Variants in MBD2 observed in about 807,000 individuals in gnomAD.
MBD2 encodes the protein methyl-CpG-binding domain protein 2.
In MBD2, 9 loss-of-function variants were observed where a neutral mutation model predicts 39.3. The ratio of observed to expected loss-of-function variants is 0.23; its 90% CI spans 0.14 to 0.40. The LOEUF is 0.40. MBD2 is among the 10% of genes least tolerant of loss of function. The pLI is 1.00. For missense variants in MBD2, 458 were observed against 532.6 expected (o/e 0.86, Z 1.38); for synonymous variants, 233 against 211.1 (o/e 1.10, Z -0.90).
chr18:54,219,070 A>T (rs1189518248), intron 1 of MBD2, among the ~76,000 whole-genome samples: 3 of 152,208 alleles, frequency 2.0e-5, no homozygotes, highest in Non-Finnish European at 4.4e-5. Flanking sequence ...ACATAGAATT[A>T]AGGCACAGAA....
Position 54,203,743 on chromosome 18 carries a change from G to A in MBD2, c.702+1255C>T, listed in dbSNP as rs544876678. ...AAATGTAACATGACAAGAGGCAAGA[G>A]AGCTCGGGTCAGAAAGTTTCCAATG... On this transcript the variant is annotated intron_variant, in intron 2 of 6. Coordinates refer to ENST00000256429, the MANE Select transcript of MBD2 (RefSeq NM_003927.5). Among the ~76,000 whole-genome samples the A allele has an allele frequency of 3.6e-4, 55 of 152,332 alleles. 1 individual carries two copies. The highest frequency in any genetic ancestry group is 6.8e-3 in the Middle Eastern group (2 of 294).
At position 54,202,828 on chromosome 18, in the gene MBD2, T is replaced by C. The variant is rs140913658; in HGVS notation, c.702+2170A>G. 2.7e-5 allele frequency: 42 copies of C among 1,531,952 alleles called. No homozygotes were observed. The East Asian group carries it at 4.7e-4, about 17-fold the overall frequency. 94.9% of individuals were successfully genotyped at this position (1,531,952 alleles called of 1,614,324 possible). On this transcript the variant is annotated intron_variant, in intron 2 of 6. Transcript: ENST00000256429. ...AAAAAAGACATGGTCCCTGCCCTCA[T>C]GGAGCTCACAGTCTAGCTGAAGCAG...
At chr18:54,159,996 T>A in intron 5 of MBD2, 93 bp from the exon 6 acceptor site, 1 of 1,371,486 alleles carries the variant, frequency 7.3e-7, no homozygotes, top group Non-Finnish European at 9.9e-7. Flanking sequence ...TCAAAATAAT[T>A]AAATTCCTAA....
intron 1 of MBD2, among the ~76,000 whole-genome samples, chr18:54,211,738 C>T (rs900768742): frequency 2.0e-5 from 3 of 152,212 alleles, no homozygotes; most frequent in Non-Finnish European, 2.9e-5. Context: ...ATCCACATAG[C>T]CCTTCCTAAA....
Position 54,211,764 on chromosome 18 carries a change from C to T in MBD2, c.543-6607G>A, listed in dbSNP as rs148888875. Among the ~76,000 whole-genome samples, 5 of 152,328 alleles carry T rather than the reference C, an allele frequency of 3.3e-5. No individual in the cohort carries two copies. The East Asian group carries it at 9.6e-4, about 29-fold the overall frequency. ...CCTTCCTAAAACACCACTTTGACAA[C>T]AGCTCTGGCTTAACAGCTTTCAGTG... On this transcript the variant is annotated intron_variant, in intron 1 of 6. Coordinates refer to ENST00000256429, the MANE Select transcript of MBD2 (RefSeq NM_003927.5).
At chr18:54,193,406 A>C (rs1261469659) in intron 2 of MBD2, among the ~76,000 whole-genome samples, 3 of 152,236 alleles carry the variant, frequency 2.0e-5, no homozygotes. Context: ...ACCTTTGACA[A>C]AACTATGTAC....
chr18:54,219,375 G>A (rs1265409255), intron 1 of MBD2, among the ~76,000 whole-genome samples: 3 of 152,178 alleles, frequency 2.0e-5, no homozygotes, highest in Admixed American at 6.5e-5. Context: ...TTTACAAAAC[G>A]TTAGGTGGAA....
intron 2 of MBD2, among the ~76,000 whole-genome samples, chr18:54,200,128 C>T (rs2086394801): frequency 6.6e-6 from 1 of 152,108 alleles, no homozygotes; most frequent in South Asian, 2.1e-4. Flanking sequence ...CAACTGATTC[C>T]ATTCAAGAAA....
chr18:54,192,269 T>C (rs1413524695), intron 2 of MBD2, among the ~76,000 whole-genome samples: 2 of 152,228 alleles, frequency 1.3e-5, no homozygotes, highest in African/African-American at 2.4e-5. Flanking sequence ...AGTCTTGCTC[T>C]ATCACCAGGC....
At chr18:54,196,360 C>A (rs1008498943) in intron 2 of MBD2, among the ~76,000 whole-genome samples, 4 of 152,092 alleles carry the variant, frequency 2.6e-5, no homozygotes, top group African/African-American at 9.7e-5. Context: ...TCAATGAAAA[C>A]ACGTTTTGAA....
intron 2 of MBD2, among the ~76,000 whole-genome samples, chr18:54,194,733 T>A (rs1400199483): frequency 6.6e-6 from 1 of 152,212 alleles, no homozygotes; most frequent in East Asian, 1.9e-4. Flanking sequence ...GTAGATAGAA[T>A]GAATTTTATT....
intron 3 of MBD2, among the ~76,000 whole-genome samples, chr18:54,172,565 C>T (rs2086185726): frequency 6.6e-6 from 1 of 152,112 alleles, no homozygotes; most frequent in South Asian, 2.1e-4. Context: ...GCATCTACAT[C>T]ATATATCCTA....
chr18:54,187,876 A>G, intron 3 of MBD2: 1 of 985,500 alleles, frequency 1.0e-6, no homozygotes, highest in Non-Finnish European at 1.2e-6. Flanking sequence ...GTGGGAACTG[A>G]ATTTCTTTAT....
At chr18:54,170,253 T>G (rs2086170791) in intron 3 of MBD2, among the ~76,000 whole-genome samples, 1 of 152,240 alleles carries the variant, frequency 6.6e-6, no homozygotes, top group Non-Finnish European at 1.5e-5. Flanking sequence ...AAAAACTGCT[T>G]CTTTAGTGAG....
At chr18:54,205,857 T>C (rs693857) in intron 1 of MBD2, among the ~76,000 whole-genome samples, 5,805 of 152,004 alleles carry the variant, frequency 0.038, 357 homozygotes, top group African/African-American at 0.13. Flanking sequence ...GCTTTTTTTT[T>C]CCCTGCAAGT....
intron 2 of MBD2, among the ~76,000 whole-genome samples, chr18:54,191,700 A>G (rs1256890541): frequency 1.3e-5 from 2 of 152,202 alleles, no homozygotes; most frequent in African/African-American, 4.8e-5. Flanking sequence ...GACAATTATT[A>G]CAATTACAGT....
At chr18:54,202,808 A>C in intron 2 of MBD2, 1 of 1,550,236 alleles carries the variant, frequency 6.5e-7, no homozygotes, top group Admixed American at 2.0e-5. Flanking sequence ...AAGCAAAAAA[A>C]GACATGGTCC....
chr18:54,156,569 C>T (rs905320312), intron 6 of MBD2, among the ~76,000 whole-genome samples: 7 of 152,010 alleles, frequency 4.6e-5, no homozygotes, highest in Admixed American at 6.6e-5. Flanking sequence ...AAGCAAAAGT[C>T]GGCCAGTGGC....
intron 3 of MBD2, among the ~76,000 whole-genome samples, chr18:54,168,071 A>ATG (rs933796051): frequency 3.3e-5 from 5 of 150,518 alleles, no homozygotes; most frequent in African/African-American, 9.7e-5. Flanking sequence ...CTTTATATAT[A>ATG]TGTGTATATA....
Sources: gnomAD v4.1 joint callset for allele counts (sites outside exome capture counted in the v4.1 genomes callset) on GRCh38, gnomAD v4.1.1 for gene constraint, MANE v1.5 for transcripts, NCBI Gene and HGNC (gene_info 2026-07-23, HGNC 2026-07-21) for gene names.